C3orf20: variants seen among roughly 807,000 people sequenced by gnomAD.
C3orf20 encodes the protein uncharacterized protein C3orf20.
C3orf20 carries 76 observed loss-of-function variants against 88.3 expected under a neutral mutation model. The observed-to-expected ratio is 0.86, with a 90% CI of 0.72 to 1.04. The LOEUF (loss-of-function observed/expected upper bound fraction) is 1.04. C3orf20 is among the 50% of genes least tolerant of loss of function. The pLI, the probability that C3orf20 is intolerant of heterozygous loss-of-function variation, is 0.00. For synonymous variants in C3orf20, 436 were observed against 437.4 expected (o/e 1.00, Z 0.04); for missense variants, 1,056 against 1,123.3 (o/e 0.94, Z 0.86).
chr3:14,763,696 G>A (rs1453620631), intron 15 of C3orf20, among the ~76,000 whole-genome samples: 2 of 152,190 alleles, frequency 1.3e-5, no homozygotes, highest in Non-Finnish European at 2.9e-5. Context: ...ATAGCTGCGT[G>A]AACTGTGTAA....
chr3:14,733,914 C>G (rs944102314), intron 12 of C3orf20, among the ~76,000 whole-genome samples: 1 of 152,152 alleles, frequency 6.6e-6, no homozygotes. Context: ...GTCTCGATCT[C>G]CTGACCTCAT....
At chr3:14,685,986 C>T (rs576029098) in intron 4 of C3orf20, among the ~76,000 whole-genome samples, 15 of 151,722 alleles carry the variant, frequency 9.9e-5, no homozygotes, top group Admixed American at 2.6e-4. Context: ...CTCAGCCTCC[C>T]GAGTAGCTGG....
chr3:14,695,762 A>G (rs1321715034), intron 5 of C3orf20, among the ~76,000 whole-genome samples: 1 of 152,020 alleles, frequency 6.6e-6, no homozygotes, highest in East Asian at 1.9e-4. Flanking sequence ...GTCTCTTTCT[A>G]TAGTTTTTGT....
Position 14,704,526 on chromosome 3 carries a change from CCAT to C in C3orf20, c.1072_1074del (p.His358del). ...CCACCTCTCACCCATCTTCTGCCAA[CCAT>C]CATTTCAGTCAGCATTGTCAAGAGG... On this transcript the variant is annotated inframe_deletion, in exon 7 of 17. Coordinates refer to ENST00000253697, the MANE Select transcript of C3orf20 (RefSeq NM_032137.5). The C allele has an allele frequency of 6.2e-7, 1 of 1,614,190 alleles. No individual in the cohort carries two copies. The highest frequency in any genetic ancestry group is 8.5e-7 in the Non-Finnish European group (1 of 1,180,044).
At chr3:14,742,786 T>C (rs558912724) in intron 12 of C3orf20, among the ~76,000 whole-genome samples, 103 of 152,234 alleles carry the variant, frequency 6.8e-4, no homozygotes, top group Middle Eastern at 6.8e-3. Flanking sequence ...GCTCTTCTTA[T>C]GTGGTGGTGG....
At chr3:14,738,815 G>T (rs569442929) in intron 12 of C3orf20, among the ~76,000 whole-genome samples, 9,309 of 96,436 alleles carry the variant, frequency 0.097, 393 homozygotes, top group Non-Finnish European at 0.14. Context: ...TAATTTTTTT[G>T]TTTTTTTTTT....
At chr3:14,754,523 A>G (rs895042683) in intron 12 of C3orf20, among the ~76,000 whole-genome samples, 1 of 152,204 alleles carries the variant, frequency 6.6e-6, no homozygotes, top group Non-Finnish European at 1.5e-5. Flanking sequence ...ATTTAGCAGC[A>G]TCTTTCTTAA....
rs776476919 is a variant in C3orf20, at chr3:14,704,555, G to C, written c.1097G>C (p.Gly366Ala). The C allele has an allele frequency of 5.5e-5, 89 of 1,613,944 alleles. No homozygotes were observed. The highest frequency in any genetic ancestry group is 1.6e-4 in the Middle Eastern group (1 of 6,084). Residue 366 changes from glycine to alanine, a missense_variant, in exon 7 of 17, where the codon GGG (glycine) becomes GCG (alanine). Gly to Ala is a moderately conservative substitution (Grantham distance 60). Transcript: ENST00000253697. ...CATTTCAGTCAGCATTGTCAAGAGG[G>C]GAAGGCACCCAAGAAGGCCTTCAAG... is the stretch of plus-strand genomic sequence containing the variant. ...NHHFSQHCQE[G>A]KAPKKAFKFH... is the part of the protein sequence containing the mutation.
chr3:14,747,786 T>G (rs1191871680), intron 12 of C3orf20, among the ~76,000 whole-genome samples: 1 of 152,074 alleles, frequency 6.6e-6, no homozygotes, highest in African/African-American at 2.4e-5. Context: ...GATTTGACCT[T>G]TTTTTAAAAA....
intron 12 of C3orf20, among the ~76,000 whole-genome samples, chr3:14,741,842 A>G (rs917616551): frequency 6.6e-6 from 1 of 152,198 alleles, no homozygotes; most frequent in Non-Finnish European, 1.5e-5. Flanking sequence ...TTTTAATTAC[A>G]TATAGATTAA....
intron 10 of C3orf20, among the ~76,000 whole-genome samples, chr3:14,724,003 G>C (rs2034262499): frequency 6.6e-6 from 1 of 151,914 alleles, no homozygotes; most frequent in Admixed American, 6.6e-5. Context: ...ATTTTTAGTA[G>C]AGACAGGGTT....
At chr3:14,712,187 C>G (rs1485710099) in intron 7 of C3orf20, among the ~76,000 whole-genome samples, 1 of 43,128 alleles carries the variant, frequency 2.3e-5, no homozygotes, top group Admixed American at 2.0e-4. Flanking sequence ...CGCGCGCACA[C>G]ACACACACAC....
chr3:14,720,574 TTGTTGTTG>T (rs1553613454), intron 9 of C3orf20, among the ~76,000 whole-genome samples: 2 of 138,898 alleles, frequency 1.4e-5, no homozygotes, highest in Non-Finnish European at 3.3e-5. Flanking sequence ...GTTGTTGTTG[TTGTTGTTG>T]TTTTTGGTTC....
intron 10 of C3orf20, among the ~76,000 whole-genome samples, chr3:14,724,151 A>G (rs1026981948): frequency 6.6e-6 from 1 of 152,198 alleles, no homozygotes; most frequent in African/African-American, 2.4e-5. Context: ...TTAAGTATGC[A>G]CTGGCTATGA....
intron 12 of C3orf20, among the ~76,000 whole-genome samples, chr3:14,757,148 A>G (rs907484765): frequency 6.6e-6 from 1 of 152,160 alleles, no homozygotes; most frequent in East Asian, 1.9e-4. Context: ...TTTTGACCCA[A>G]TGGATGGGTG....
intron 14 of C3orf20, among the ~76,000 whole-genome samples, chr3:14,760,968 T>G (rs2035543843): frequency 6.6e-6 from 1 of 152,210 alleles, no homozygotes; most frequent in Admixed American, 6.5e-5. Flanking sequence ...CATGAATATT[T>G]TTGCACAGAA....
At chr3:14,759,065 A>G (rs755908716) in intron 13 of C3orf20, among the ~76,000 whole-genome samples, 5 of 152,218 alleles carry the variant, frequency 3.3e-5, no homozygotes, top group African/African-American at 4.8e-5. Flanking sequence ...AGCCATGAAC[A>G]GTGTGAGTGA....
At chr3:14,750,843 A>G (rs1389636970) in intron 12 of C3orf20, among the ~76,000 whole-genome samples, 2 of 152,172 alleles carry the variant, frequency 1.3e-5, no homozygotes, top group Non-Finnish European at 2.9e-5. Context: ...TATGTCTTTC[A>G]TCAAATTGGG....
chr3:14,691,367 G>A (rs2032723475), intron 5 of C3orf20, among the ~76,000 whole-genome samples: 1 of 152,204 alleles, frequency 6.6e-6, no homozygotes, highest in East Asian at 1.9e-4. Flanking sequence ...ATCTGGCCCT[G>A]TGATCCCACA....
Sources: gnomAD v4.1 joint callset for allele counts (sites outside exome capture counted in the v4.1 genomes callset) on GRCh38, gnomAD v4.1.1 for gene constraint, MANE v1.5 for transcripts, NCBI Gene and HGNC (gene_info 2026-07-23, HGNC 2026-07-21) for gene names.